ARHGAP44: variants seen among roughly 807,000 people sequenced by gnomAD.
ARHGAP44 encodes rho GTPase-activating protein 44.
In ARHGAP44, 43 loss-of-function variants were observed where a neutral mutation model predicts 106.8. The observed-to-expected ratio is 0.40, with a 90% CI of 0.32 to 0.52. The LOEUF (loss-of-function observed/expected upper bound fraction) is 0.52. ARHGAP44 is among the 20% of genes least tolerant of loss of function. The pLI is 0.48. For synonymous variants in ARHGAP44, 439 were observed against 410.3 expected, an observed-to-expected ratio of 1.07 and a Z score of -0.85; for missense variants, 866 against 1,050.5, an observed-to-expected ratio of 0.82 and a Z score of 2.43.
chr17:12,825,336 C>CT (rs201851550), intron 1 of ARHGAP44, among the ~76,000 whole-genome samples: 2,666 of 129,438 alleles, frequency 0.021, 80 homozygotes, highest in African/African-American at 0.099. Context: ...TGCTCCCAGC[C>CT]CTTGATTACT....
chr17:12,864,426 T>C (rs2036175707), intron 1 of ARHGAP44, among the ~76,000 whole-genome samples: 1 of 152,298 alleles, frequency 6.6e-6, no homozygotes, highest in South Asian at 2.1e-4. Flanking sequence ...AAGGCTGAAC[T>C]GGAGGTCTGA....
chr17:12,880,709 C>T (rs1430929231), intron 1 of ARHGAP44, among the ~76,000 whole-genome samples: 1 of 145,580 alleles, frequency 6.9e-6, no homozygotes, highest in Non-Finnish European at 1.5e-5. Context: ...GTGAAATCAA[C>T]TTAATGAGTA....
At chr17:12,938,241 A>C (rs2038604914) in intron 7 of ARHGAP44, among the ~76,000 whole-genome samples, 1 of 152,228 alleles carries the variant, frequency 6.6e-6, no homozygotes, top group East Asian at 1.9e-4. Flanking sequence ...AGAAGAGTTA[A>C]TATTATAAAC....
At chr17:12,878,890 G>C (rs1455863923) in intron 1 of ARHGAP44, among the ~76,000 whole-genome samples, 1 of 152,164 alleles carries the variant, frequency 6.6e-6, no homozygotes, top group East Asian at 1.9e-4. Context: ...AGCAGAATTT[G>C]TTTCTAGCAT....
At chr17:12,854,701 G>A (rs1018736666) in intron 1 of ARHGAP44, among the ~76,000 whole-genome samples, 3 of 152,162 alleles carry the variant, frequency 2.0e-5, no homozygotes, top group Admixed American at 1.3e-4. Context: ...GCTCATGCCT[G>A]TAATCCCAGC....
In ARHGAP44 at chr17:12,791,471, GC is replaced by G. The variant is rs2033755609; in HGVS notation, c.53+1584del. ...CTCAGACCAGCCAAGTGACCAGGAG[GC>G]CCCTGACACTAGACTTGGGTTGCTG... On this transcript the variant is annotated intron_variant, in intron 1 of 20. Coordinates refer to ENST00000379672, the MANE Select transcript of ARHGAP44 (RefSeq NM_014859.6). Among the ~76,000 whole-genome samples the G allele has an allele frequency of 2.0e-5, 3 of 152,188 alleles. No individual in the cohort carries two copies. In the South Asian group the frequency reaches 6.2e-4, roughly 31 times the overall value.
At chr17:12,858,295 G>T (rs887037371) in intron 1 of ARHGAP44, among the ~76,000 whole-genome samples, 2 of 152,048 alleles carry the variant, frequency 1.3e-5, no homozygotes, top group Non-Finnish European at 2.9e-5. Context: ...TAGTCATGTG[G>T]ACTCTAAAAT....
At chr17:12,950,903 C>T (rs2038977278) in intron 12 of ARHGAP44, among the ~76,000 whole-genome samples, 1 of 152,150 alleles carries the variant, frequency 6.6e-6, no homozygotes, top group Admixed American at 6.5e-5. Context: ...CTGTCAGGAA[C>T]AACAGTGAAA....
rs1009343143 is a variant in ARHGAP44 at position 12,991,435 on chromosome 17, C to A, written c.*1264C>A. Reference sequence around the variant, plus strand: ...AAATTTAAATGCTTAGTTATTTTTCCCAACACAGTGTAAAGTCACCCTCCT... The same window carrying A: ...AAATTTAAATGCTTAGTTATTTTTCACAACACAGTGTAAAGTCACCCTCCT... On this transcript the variant is annotated 3_prime_UTR_variant, in exon 21 of 21. Transcript: ENST00000379672. 6.0e-6 allele frequency: 1 copy of A among 165,600 alleles called. No individual in the cohort carries two copies. Among genetic ancestry groups the A allele is most frequent in the African/African-American group, 2.4e-5 (1 of 41,708 alleles). The allele number at this position is 165,600 out of a possible 1,614,324, so 10.3% of individuals were successfully genotyped here.
At position 12,949,502 on chromosome 17, in the gene ARHGAP44, C is replaced by T. The variant is rs145064484; in HGVS notation, c.974-147C>T. ...CAGGTCCCCTGTCAGAGCCTCATAC[C>T]CATTTCCATAGGAAGCTACCATTTG... is the stretch of plus-strand genomic sequence containing the variant. On this transcript the variant is annotated intron_variant, in intron 11 of 20. Coordinates refer to ENST00000379672, the MANE Select transcript of ARHGAP44 (RefSeq NM_014859.6). This position sits in a 1 kb window ranked among gnomAD's most constrained non-coding sequence, Gnocchi z 4.1. 2.6e-6 allele frequency: 2 copies of T among 769,500 alleles called. No homozygotes were observed. The highest frequency in any genetic ancestry group is 4.2e-6 in the Non-Finnish European group (2 of 477,446). 47.7% of individuals were successfully genotyped at this position (769,500 alleles called of 1,614,324 possible).
chr17:12,986,921 C>G (rs1395441933), intron 20 of ARHGAP44: 1 of 600,958 alleles, frequency 1.7e-6, no homozygotes, highest in African/African-American at 1.9e-5. Flanking sequence ...GTCCTTTTGG[C>G]AGCAGACTGT....
intron 7 of ARHGAP44, among the ~76,000 whole-genome samples, chr17:12,936,663 G>A (rs7222788): frequency 0.72 from 109,425 of 152,206 alleles, 39,521 homozygotes; most frequent in Admixed American, 0.77. Flanking sequence ...ATCCACATGC[G>A]AGCTTTTATG....
At chr17:12,920,878 G>A (rs2038064126) in intron 6 of ARHGAP44, among the ~76,000 whole-genome samples, 2 of 152,132 alleles carry the variant, frequency 1.3e-5, no homozygotes, top group Admixed American at 6.5e-5. Flanking sequence ...GGGTGCCAAA[G>A]GCCCTGAGAC....
intron 4 of ARHGAP44, among the ~76,000 whole-genome samples, chr17:12,914,695 C>T (rs971424539): frequency 1.3e-5 from 2 of 151,272 alleles, no homozygotes; most frequent in Non-Finnish European, 2.9e-5. Flanking sequence ...ACTCAGGAGG[C>T]TGAGGCAGGA....
chr17:12,830,759 A>G (rs537683568), intron 1 of ARHGAP44, among the ~76,000 whole-genome samples: 1 of 152,076 alleles, frequency 6.6e-6, no homozygotes, highest in East Asian at 1.9e-4. Context: ...TTTCCTTTTG[A>G]TAGGGAGCTA....
At chr17:12,920,989 G>A (rs1430349677) in intron 6 of ARHGAP44, among the ~76,000 whole-genome samples, 2 of 152,184 alleles carry the variant, frequency 1.3e-5, no homozygotes, top group African/African-American at 4.8e-5. Flanking sequence ...AGGTGCGTGA[G>A]TATTAATATG....
At chr17:12,915,759 A>G (rs2037891419) in intron 4 of ARHGAP44, 141 bp from the exon 5 acceptor site, 1 of 667,820 alleles carries the variant, frequency 1.5e-6, no homozygotes, top group Non-Finnish European at 2.6e-6. Flanking sequence ...AGGTTGGCCC[A>G]GGGGAAGCCA....
At position 12,922,987 on chromosome 17, in the gene ARHGAP44, T is replaced by C. The variant is rs575914431; in HGVS notation, c.464+3156T>C. ...TCTTCAGCTTATCATCTCCTGTATA[T>C]TAAAATCTAGTAAGGAAATTCTACC... On this transcript the variant is annotated intron_variant, in intron 6 of 20. Coordinates refer to ENST00000379672, the MANE Select transcript of ARHGAP44 (RefSeq NM_014859.6). 2.6e-5 allele frequency among the ~76,000 whole-genome samples: 4 copies of C among 152,322 alleles called. No individual in the cohort carries two copies. The South Asian group carries it at 8.3e-4, about 32-fold the overall frequency.
At chr17:12,857,210 C>T (rs1358476174) in intron 1 of ARHGAP44, among the ~76,000 whole-genome samples, 4 of 152,062 alleles carry the variant, frequency 2.6e-5, no homozygotes, top group Non-Finnish European at 5.9e-5. Flanking sequence ...CTGCTTAGGC[C>T]GAAGTGGCTG....
Sources: allele counts gnomAD v4.1 joint callset (sites outside exome capture counted in the v4.1 genomes callset), GRCh38; gene constraint gnomAD v4.1.1; non-coding constraint Gnocchi (gnomAD v3.1); transcripts MANE v1.5; gene names NCBI Gene and HGNC (gene_info 2026-07-23, HGNC 2026-07-21).